The following STOX2 variants were observed in gnomAD, a reference collection of about 807,000 sequenced individuals.
STOX2 encodes storkhead box 2.
A neutral mutation model predicts 60.9 loss-of-function variants in STOX2; 28 were observed. That is an observed-to-expected ratio of 0.46 (90% CI 0.34 to 0.63). The LOEUF (loss-of-function observed/expected upper bound fraction) is 0.63, where lower values mean the gene tolerates loss of function less well. Among genes scored for constraint, STOX2 ranks in the 30% least tolerant of loss-of-function variants. STOX2 has a pLI of 0.01. For missense variants in STOX2, 1,024 were observed against 1,187.7 expected, an observed-to-expected ratio of 0.86 and a Z score of 2.03; for synonymous variants, 472 against 463.9, an observed-to-expected ratio of 1.02 and a Z score of -0.22.
chr4:183,881,318 T>C (rs966536135), intron 1 of STOX2, among the ~76,000 whole-genome samples: 25 of 152,050 alleles, frequency 1.6e-4, no homozygotes, highest in African/African-American at 6.0e-4. Flanking sequence ...CTGGCCAACA[T>C]GGTGAAACCC....
chr4:183,864,113 T>C (rs1170788072), intron 1 of STOX2, among the ~76,000 whole-genome samples: 3 of 152,182 alleles, frequency 2.0e-5, no homozygotes. Flanking sequence ...CCAAACTAGG[T>C]TCTCAGAAAA....
intron 1 of STOX2, among the ~76,000 whole-genome samples, chr4:183,910,276 G>A (rs1741740678): frequency 6.6e-6 from 1 of 152,314 alleles, no homozygotes; most frequent in South Asian, 2.1e-4. Flanking sequence ...TAGAAGTTAC[G>A]ATATTAATGA....
chr4:183,814,913 ACTTT>A (rs1739116134), intron 1 of STOX2, among the ~76,000 whole-genome samples: 2 of 152,192 alleles, frequency 1.3e-5, no homozygotes, highest in Non-Finnish European at 2.9e-5. Flanking sequence ...AAATGATGTT[ACTTT>A]GAGTATAAAG....
chr4:183,976,148 T>C (rs1732435840), intron 1 of STOX2, among the ~76,000 whole-genome samples: 1 of 151,856 alleles, frequency 6.6e-6, no homozygotes, highest in Non-Finnish European at 1.5e-5. Flanking sequence ...TTGTCTCTAC[T>C]AAAAAATACA....
chr4:183,799,950 C>G (rs543811248), intron 1 of STOX2, among the ~76,000 whole-genome samples: 1 of 152,132 alleles, frequency 6.6e-6, no homozygotes, highest in Non-Finnish European at 1.5e-5. Context: ...CTCACCTTAC[C>G]TCTGCACCCT....
At chr4:183,993,851 G>T (rs183797135) in intron 1 of STOX2, among the ~76,000 whole-genome samples, 11 of 152,326 alleles carry the variant, frequency 7.2e-5, no homozygotes, top group Admixed American at 7.2e-4. Flanking sequence ...AAACGCAGGA[G>T]CATGTGAGGT....
chr4:183,933,808 A>T (rs947051730), intron 1 of STOX2, among the ~76,000 whole-genome samples: 3 of 152,206 alleles, frequency 2.0e-5, no homozygotes, highest in Non-Finnish European at 4.4e-5. Context: ...TATTATTTAT[A>T]CTCAGCTTCA....
At chr4:183,803,854 T>C (rs1250594179) in intron 1 of STOX2, among the ~76,000 whole-genome samples, 2 of 151,878 alleles carry the variant, frequency 1.3e-5, no homozygotes, top group African/African-American at 2.4e-5. Context: ...TCCTAACTAC[T>C]TGGGAGGCTG....
intron 1 of STOX2, among the ~76,000 whole-genome samples, chr4:183,971,105 TG>T (rs1373139195): frequency 2.0e-5 from 3 of 152,228 alleles, no homozygotes; most frequent in Admixed American, 6.5e-5. Context: ...TGGAACTTTT[TG>T]TGTTGAGTAT....
In STOX2 at chr4:184,011,428, GGA is replaced by G. The variant is rs1247704732; in HGVS notation, c.2585+9_2585+10del. On this transcript the variant is annotated splice_donor_region_variant and intron_variant, in intron 3 of 3. Transcript: ENST00000308497. The surrounding 1 kb of genome is among the most constrained non-coding windows in gnomAD (Gnocchi z 4.4). ...CAGTGGATTCAACTCCCCACGGTAG[GGA>G]GAGGTGTCTCTGTGCACACACATGC... 3 of 1,607,340 alleles carry G rather than the reference GGA, an allele frequency of 1.9e-6. No homozygotes were observed. Among genetic ancestry groups the G allele is most frequent in the Non-Finnish European group, 2.5e-6 (3 of 1,176,662 alleles).
chr4:183,978,464 T>C (rs1157144687), intron 1 of STOX2, among the ~76,000 whole-genome samples: 1 of 152,236 alleles, frequency 6.6e-6, no homozygotes, highest in African/African-American at 2.4e-5. Flanking sequence ...GATTTATGTA[T>C]GTATTTTGGT....
At chr4:183,802,380 C>A (rs1192779044) in intron 1 of STOX2, among the ~76,000 whole-genome samples, 2 of 152,030 alleles carry the variant, frequency 1.3e-5, no homozygotes, top group Admixed American at 1.3e-4. Context: ...AGACAGATTT[C>A]TTTTTTGTTT....
chr4:183,818,288 G>A (rs983752524), intron 1 of STOX2, among the ~76,000 whole-genome samples: 15 of 151,758 alleles, frequency 9.9e-5, no homozygotes, highest in African/African-American at 3.6e-4. Flanking sequence ...ATTAGGGAGT[G>A]GTGATGACTC....
intron 1 of STOX2, among the ~76,000 whole-genome samples, chr4:183,928,208 G>A (rs769785031): frequency 1.5e-5 from 1 of 64,706 alleles, no homozygotes; most frequent in Admixed American, 1.6e-4. Flanking sequence ...GGGTGAGGAT[G>A]GGGAGCCCTC....
chr4:183,947,126 A>G (rs958098894), intron 1 of STOX2, among the ~76,000 whole-genome samples: 8 of 152,272 alleles, frequency 5.3e-5, no homozygotes, highest in African/African-American at 1.9e-4. Flanking sequence ...CTAAGACAGC[A>G]AGAAATAACT....
intron 1 of STOX2, among the ~76,000 whole-genome samples, chr4:183,862,451 C>G (rs1160539164): frequency 1.3e-5 from 2 of 152,200 alleles, no homozygotes; most frequent in Non-Finnish European, 2.9e-5. Flanking sequence ...AGCTACTGTG[C>G]CCAGCCAATG....
At chr4:183,848,277 G>C (rs975131217) in intron 1 of STOX2, among the ~76,000 whole-genome samples, 4 of 152,128 alleles carry the variant, frequency 2.6e-5, no homozygotes, top group Non-Finnish European at 5.9e-5. Flanking sequence ...TTAGAATATT[G>C]GCTTCTATAT....
intron 1 of STOX2, among the ~76,000 whole-genome samples, chr4:183,799,780 CTGT>C (rs1291822324): frequency 6.6e-6 from 1 of 152,122 alleles, no homozygotes; most frequent in African/African-American, 2.4e-5. Flanking sequence ...AATTGGTGAT[CTGT>C]CATATTAACC....
rs1354093296 is a variant in STOX2, at chr4:183,806,671, G to C, written c.364+8616G>C. ...TGTCAGGTGCCTCCCTTCTTCCCCCGACCCCCACTTTCCCTCCAGGATTTG... is the reference window on the plus strand; with the variant it reads ...TGTCAGGTGCCTCCCTTCTTCCCCCCACCCCCACTTTCCCTCCAGGATTTG... On this transcript the variant is annotated intron_variant, in intron 1 of 2. Transcript: ENST00000513034. This position sits in a 1 kb window ranked among gnomAD's most constrained non-coding sequence, Gnocchi z 4.1. Among the ~76,000 whole-genome samples the C allele has an allele frequency of 6.6e-6, 1 of 151,974 alleles. No individual in the cohort carries two copies. Among genetic ancestry groups the C allele is most frequent in the Non-Finnish European group, 1.5e-5 (1 of 67,996 alleles).
Sources: gnomAD v4.1 joint callset for allele counts (sites outside exome capture counted in the v4.1 genomes callset) on GRCh38, gnomAD v4.1.1 for gene constraint, Gnocchi (gnomAD v3.1) non-coding constraint, MANE v1.5 for transcripts, NCBI Gene and HGNC (gene_info 2026-07-23, HGNC 2026-07-21) for gene names.